The following NSRP1 variants were observed in gnomAD, a reference collection of about 807,000 sequenced individuals.
The protein encoded by NSRP1 is nuclear speckle splicing regulatory protein 1.
Under a neutral mutation model 54.7 loss-of-function variants are expected in NSRP1, and 24 were observed. That is an observed-to-expected ratio of 0.44 (90% CI 0.32 to 0.62). The LOEUF (loss-of-function observed/expected upper bound fraction) is 0.62. Among genes scored for constraint, NSRP1 ranks in the 20% least tolerant of loss-of-function variants. The pLI is 0.06. For missense variants in NSRP1, 596 were observed against 651.2 expected, an observed-to-expected ratio of 0.92 and a Z score of 0.92; for synonymous variants, 210 against 213.8, an observed-to-expected ratio of 0.98 and a Z score of 0.15.
In NSRP1 at chr17:30,176,612, C is replaced by CA. The variant is rs148426322; in HGVS notation, c.172-1459_172-1458insA. ...ACAACAGTGCAAGACTTCGTCCCCC[C>CA]CCCCCCAAAAAAAAAACAGCCCTCA... On this transcript the variant is annotated intron_variant, in intron 3 of 6. Transcript: ENST00000247026. Among the ~76,000 whole-genome samples the CA allele has an allele frequency of 2.0e-3, 239 of 121,164 alleles. 4 individuals carry two copies. Among genetic ancestry groups the CA allele is most frequent in the Non-Finnish European group, 2.4e-3 (127 of 53,812 alleles). 79.5% of individuals were successfully genotyped at this position (121,164 alleles called of 152,430 possible).
intron 2 of NSRP1, among the ~76,000 whole-genome samples, chr17:30,134,153 G>A (rs2071727540): frequency 6.6e-6 from 1 of 152,156 alleles, no homozygotes; most frequent in South Asian, 2.1e-4. Flanking sequence ...AGAGGAGAGA[G>A]GAAAACACCG....
chr17:30,154,761 C>G (rs1190188514), intron 2 of NSRP1: 2 of 151,880 alleles, frequency 1.3e-5, no homozygotes, highest in Admixed American at 6.6e-5. Flanking sequence ...TGCTTGGGAC[C>G]AGAAGTGTTT....
chr17:30,153,793 T>C (rs949301132), intron 2 of NSRP1, among the ~76,000 whole-genome samples: 1 of 152,194 alleles, frequency 6.6e-6, no homozygotes, highest in Non-Finnish European at 1.5e-5. Flanking sequence ...TGTGCTAATA[T>C]GATAGCCAGT....
chr17:30,142,727 A>G (rs750048570), intron 2 of NSRP1, among the ~76,000 whole-genome samples: 1 of 152,198 alleles, frequency 6.6e-6, no homozygotes, highest in African/African-American at 2.4e-5. Context: ...AGTAATTACT[A>G]TTCATCATTA....
intron 5 of NSRP1, 105 bp from the exon 6 acceptor site, chr17:30,180,803 C>A: frequency 1.5e-6 from 1 of 680,506 alleles, no homozygotes; most frequent in South Asian, 2.0e-5. Flanking sequence ...AACTCCTGAT[C>A]CAGCGAGTAG....
At chr17:30,121,625 G>A (rs1352833245) in intron 2 of NSRP1, among the ~76,000 whole-genome samples, 5 of 149,656 alleles carry the variant, frequency 3.3e-5, no homozygotes, top group African/African-American at 7.4e-5. Context: ...GTGCGGTGGC[G>A]TGATCTCGGC....
At chr17:30,161,615 CAGTT>C (rs1388917891) in intron 2 of NSRP1, among the ~76,000 whole-genome samples, 6 of 152,104 alleles carry the variant, frequency 3.9e-5, no homozygotes, top group South Asian at 2.1e-4. Flanking sequence ...TATTGTAAGA[CAGTT>C]AGATTATGAG....
At chr17:30,172,803 CTGT>C in intron 3 of NSRP1, among the ~76,000 whole-genome samples, 1 of 151,608 alleles carries the variant, frequency 6.6e-6, no homozygotes, top group South Asian at 2.1e-4. Context: ...ATTGTTTGGC[CTGT>C]TGTTATTATT....
chr17:30,132,217 C>T (rs1386955023), intron 2 of NSRP1, among the ~76,000 whole-genome samples: 1 of 148,414 alleles, frequency 6.7e-6, no homozygotes, highest in Non-Finnish European at 1.5e-5. Flanking sequence ...CACTGCACTC[C>T]AGCCTGGGCG....
intron 3 of NSRP1, among the ~76,000 whole-genome samples, chr17:30,177,147 G>A (rs1905154073): frequency 6.6e-6 from 1 of 151,912 alleles, no homozygotes. Flanking sequence ...GAGGTGGGTG[G>A]ATCATTTGAG....
At position 30,184,761 on chromosome 17, in the gene NSRP1, G is replaced by A. The variant is rs1382657594; in HGVS notation, c.764G>A (p.Ser255Asn). The change falls in exon 7 of 7, where the codon AGT becomes AAT. Residue 255 changes from serine (S) to asparagine (N), a missense_variant. By Grantham distance (46) the Ser-to-Asn change is conservative. Transcript: ENST00000247026. The stretch of plus-strand genomic sequence containing the variant: ...GACAGTGACTTCGATGCTAAGAGCA[G>A]TGCGGATGATGAAATAGAAGAAACT... ...DADSDFDAKS[S>N]ADDEIEETRV... is the part of the protein sequence containing the mutation. The A allele has an allele frequency of 3.7e-6, 6 of 1,614,020 alleles. No individual in the cohort carries two copies.
At chr17:30,133,725 G>T (rs1175159300) in intron 2 of NSRP1, among the ~76,000 whole-genome samples, 5 of 152,140 alleles carry the variant, frequency 3.3e-5, no homozygotes, top group African/African-American at 1.2e-4. Flanking sequence ...TTTCATTGAT[G>T]GTCCCTGTTA....
At chr17:30,171,976 C>T (rs55889412) in intron 2 of NSRP1, among the ~76,000 whole-genome samples, 1,506 of 80,020 alleles carry the variant, frequency 0.019, 12 homozygotes, top group East Asian at 0.089. Flanking sequence ...ACACACACTC[C>T]CTCTCTCTCT....
Position 30,184,810 on chromosome 17 carries a change from G to T in NSRP1, c.813G>T (p.Lys271Asn). 1.9e-6 allele frequency: 3 copies of T among 1,613,972 alleles called. No individual in the cohort carries two copies. The highest frequency in any genetic ancestry group is 2.5e-6 in the Non-Finnish European group (3 of 1,179,952). ...CTAGAGTGAACTGCAGAAGGGAAAAGGTCATAGAGACCCCTGAGAATGACT... is the reference window on the plus strand; with the variant it reads ...CTAGAGTGAACTGCAGAAGGGAAAATGTCATAGAGACCCCTGAGAATGACT... ...EETRVNCRREKVIETPENDFK... is the reference protein window; with the variant it reads ...EETRVNCRRENVIETPENDFK... The change falls in exon 7 of 7, where the codon AAG becomes AAT. Residue 271 changes from lysine (K) to asparagine (N), a missense_variant. Coordinates refer to ENST00000247026, the MANE Select transcript of NSRP1 (RefSeq NM_032141.4).
intron 2 of NSRP1, among the ~76,000 whole-genome samples, chr17:30,171,973 C>CCA (rs1904958350): frequency 1.2e-5 from 1 of 81,924 alleles, no homozygotes; most frequent in Non-Finnish European, 2.5e-5. Flanking sequence ...CACACACACA[C>CCA]TCCCTCTCTC....
chr17:30,171,480 A>G (rs1904931214), intron 2 of NSRP1, among the ~76,000 whole-genome samples: 1 of 151,420 alleles, frequency 6.6e-6, no homozygotes, highest in Non-Finnish European at 1.5e-5. Context: ...TCATCTTTGT[A>G]TTTTCAGTAG....
chr17:30,161,724 A>G (rs1904523643), intron 2 of NSRP1, among the ~76,000 whole-genome samples: 2 of 152,290 alleles, frequency 1.3e-5, no homozygotes, highest in South Asian at 4.1e-4. Context: ...TTGGATAGGA[A>G]GTATAATTTT....
chr17:30,118,851 C>A (rs549707673), intron 2 of NSRP1, among the ~76,000 whole-genome samples: 2 of 151,266 alleles, frequency 1.3e-5, no homozygotes, highest in African/African-American at 4.9e-5. Flanking sequence ...TGGGTTCAAG[C>A]GATTCTCTTG....
At chr17:30,118,212 T>G (rs1567786793) in intron 2 of NSRP1, 39 bp downstream of exon 2, 1 of 1,536,392 alleles carries the variant, frequency 6.5e-7, no homozygotes, top group South Asian at 1.1e-5. Context: ...TGGTTGGAAA[T>G]GTAAATTTTT....
Sources: allele counts gnomAD v4.1 joint callset (sites outside exome capture counted in the v4.1 genomes callset), GRCh38; gene constraint gnomAD v4.1.1; transcripts MANE v1.5; gene names NCBI Gene and HGNC (gene_info 2026-07-23, HGNC 2026-07-21).